Variants in DCC observed in about 807,000 individuals in gnomAD.
DCC encodes the protein netrin receptor DCC.
A neutral mutation model predicts 172.5 loss-of-function variants in DCC; 58 were observed. That is an observed-to-expected ratio of 0.34 (90% CI 0.27 to 0.42). DCC has a LOEUF of 0.42. DCC is among the 10% of genes least tolerant of loss of function. The pLI, the probability that DCC is intolerant of heterozygous loss-of-function variation, is 1.00. For missense variants in DCC, 1,740 were observed against 1,791.0 expected, an observed-to-expected ratio of 0.97 and a Z score of 0.51; for synonymous variants, 709 against 644.5, an observed-to-expected ratio of 1.10 and a Z score of -1.52.
chr18:53,215,966 G>A (rs750617371), intron 12 of DCC, among the ~76,000 whole-genome samples: 1 of 152,142 alleles, frequency 6.6e-6, no homozygotes, highest in Non-Finnish European at 1.5e-5. Context: ...AAATAATTAG[G>A]AGAAAGAAAG....
At chr18:52,350,128 A>T (rs1984053778) in intron 1 of DCC, among the ~76,000 whole-genome samples, 1 of 152,214 alleles carries the variant, frequency 6.6e-6, no homozygotes, top group African/African-American at 2.4e-5. Context: ...TACAATAGTT[A>T]CTGAGCCTTT....
intron 1 of DCC, among the ~76,000 whole-genome samples, chr18:52,486,484 A>G (rs922666281): frequency 1.3e-5 from 2 of 152,182 alleles, no homozygotes; most frequent in Admixed American, 6.5e-5. Context: ...AAATGAATTC[A>G]TATTACTTGC....
At chr18:52,466,021 T>A (rs1455064129) in intron 1 of DCC, among the ~76,000 whole-genome samples, 1 of 152,200 alleles carries the variant, frequency 6.6e-6, no homozygotes, top group South Asian at 2.1e-4. Flanking sequence ...ATTAGTTCAA[T>A]GCTGGTTGAT....
At chr18:53,251,683 G>T (rs1379726095) in intron 12 of DCC, among the ~76,000 whole-genome samples, 3 of 151,852 alleles carry the variant, frequency 2.0e-5, no homozygotes, top group Non-Finnish European at 2.9e-5. Flanking sequence ...GTGTGTGTGT[G>T]CATGCAAGTA....
At chr18:53,128,224 T>C (rs1232504301) in intron 7 of DCC, among the ~76,000 whole-genome samples, 6 of 152,176 alleles carry the variant, frequency 3.9e-5, no homozygotes, top group Non-Finnish European at 8.8e-5. Context: ...TTTTAATGTC[T>C]GCCCTGTATC....
At chr18:53,124,330 C>A (rs1330599081) in intron 7 of DCC, among the ~76,000 whole-genome samples, 2 of 151,872 alleles carry the variant, frequency 1.3e-5, no homozygotes, top group Non-Finnish European at 2.9e-5. Context: ...GAAGCATTTC[C>A]AAGTTGATGA....
intron 5 of DCC, chr18:52,931,839 A>G (rs2040312156): frequency 6.6e-6 from 1 of 152,126 alleles, no homozygotes; most frequent in Admixed American, 6.6e-5. Flanking sequence ...GGATTGCACT[A>G]GGTTCTGGGA....
At chr18:52,485,387 C>T (rs954964042) in intron 1 of DCC, among the ~76,000 whole-genome samples, 27 of 152,200 alleles carry the variant, frequency 1.8e-4, no homozygotes, top group African/African-American at 6.3e-4. Flanking sequence ...TATCCATCAT[C>T]GCAATATGGA....
At chr18:52,597,357 G>T (rs1345967324) in intron 1 of DCC, among the ~76,000 whole-genome samples, 1 of 152,174 alleles carries the variant, frequency 6.6e-6, no homozygotes, top group Non-Finnish European at 1.5e-5. Context: ...CCACTAGCCT[G>T]CCCAACTTGG....
chr18:52,900,414 CAT>C (rs2145437368), intron 2 of DCC, among the ~76,000 whole-genome samples: 1 of 152,258 alleles, frequency 6.6e-6, no homozygotes, highest in East Asian at 1.9e-4. Context: ...AGGTGAGACC[CAT>C]TTCTCTATGG....
Position 53,459,287 on chromosome 18 carries a change from C to A in DCC, c.3448C>A (p.Pro1150Thr), listed in dbSNP as rs199876013. ...GAAGGGCAGCCAGAAGGACCTCCGA[C>A]CCCCTGATCTTTGGATCCATCATGA... ...KRKGSQKDLR[P>T]PDLWIHHEEM... Residue 1150 changes from proline (P) to threonine (T), a missense_variant, in exon 24 of 29, where the codon CCC becomes ACC. Around this residue, in one of 2 missense-constraint regions of DCC, gnomAD observed 1,732 missense variants for 1,767.4 expected, o/e 0.98. Transcript: ENST00000442544. 5.6e-6 allele frequency: 9 copies of A among 1,614,098 alleles called. No individual in the cohort carries two copies. Among genetic ancestry groups the A allele is most frequent in the Non-Finnish European group, 7.6e-6 (9 of 1,180,006 alleles).
chr18:52,808,624 A>G (rs934469283), intron 2 of DCC, among the ~76,000 whole-genome samples: 1 of 152,210 alleles, frequency 6.6e-6, no homozygotes, highest in Non-Finnish European at 1.5e-5. Context: ...ACACTGTTCC[A>G]AAATACAATA....
intron 1 of DCC, among the ~76,000 whole-genome samples, chr18:52,670,954 C>T (rs2035541269): frequency 6.6e-6 from 1 of 152,114 alleles, no homozygotes; most frequent in Admixed American, 6.6e-5. Flanking sequence ...AAATACTGTC[C>T]TTATCATTGA....
At chr18:52,517,725 A>G (rs1048379715) in intron 1 of DCC, among the ~76,000 whole-genome samples, 7 of 152,206 alleles carry the variant, frequency 4.6e-5, no homozygotes, top group Non-Finnish European at 8.8e-5. Flanking sequence ...TGTTACTAGC[A>G]CTTGTCAGGC....
In DCC at chr18:53,394,007, A is replaced by G. The variant is rs529904756; in HGVS notation, c.2688+2120A>G. ...AAGATATAAAACAAATTTAAATTTT[A>G]CAAATAATGGTGATAGACTCTTTGA... On this transcript the variant is annotated intron_variant, in intron 17 of 28. Coordinates refer to ENST00000442544, the MANE Select transcript of DCC (RefSeq NM_005215.4). Among the ~76,000 whole-genome samples, 7 of 151,906 alleles carry G rather than the reference A, an allele frequency of 4.6e-5. No homozygotes were observed. The East Asian group carries it at 1.4e-3, about 30-fold the overall frequency.
At chr18:52,592,625 A>C (rs2144800488) in intron 1 of DCC, among the ~76,000 whole-genome samples, 1 of 152,316 alleles carries the variant, frequency 6.6e-6, no homozygotes, top group Admixed American at 6.5e-5. Context: ...GAAATAAGGA[A>C]ATGAAATAAG....
intron 15 of DCC, among the ~76,000 whole-genome samples, chr18:53,376,069 CGTT>C (rs1427678985): frequency 6.6e-6 from 1 of 151,450 alleles, no homozygotes; most frequent in Non-Finnish European, 1.5e-5. Flanking sequence ...TATTTTCTAA[CGTT>C]GTTGAGATAA....
At chr18:53,522,150 A>G (rs1329304230) in intron 27 of DCC, among the ~76,000 whole-genome samples, 1 of 152,136 alleles carries the variant, frequency 6.6e-6, no homozygotes, top group African/African-American at 2.4e-5. Context: ...CTTAAATAAT[A>G]ACCTAAAATA....
chr18:52,837,303 C>A (rs908250163), intron 2 of DCC, among the ~76,000 whole-genome samples: 3 of 152,242 alleles, frequency 2.0e-5, no homozygotes. Flanking sequence ...ATTTCCATGG[C>A]TGGCTTGAAT....
Sources: allele counts gnomAD v4.1 joint callset (sites outside exome capture counted in the v4.1 genomes callset), GRCh38; gene constraint gnomAD v4.1.1; regional missense constraint gnomAD v4.1.1; transcripts MANE v1.5; gene names NCBI Gene and HGNC (gene_info 2026-07-23, HGNC 2026-07-21).